Variants in MSI2 observed in about 807,000 individuals in gnomAD.
The protein encoded by MSI2 is RNA-binding protein Musashi homolog 2.
A neutral mutation model predicts 45.6 loss-of-function variants in MSI2; 17 were observed. That is an observed-to-expected ratio of 0.37 (90% CI 0.26 to 0.56). MSI2 has a LOEUF of 0.56. Ranked by LOEUF, MSI2 falls within the 20% of genes least tolerant of loss-of-function variation. MSI2 has a pLI of 0.77. For missense variants in MSI2, 293 were observed against 444.2 expected, an observed-to-expected ratio of 0.66 and a Z score of 3.06; for synonymous variants, 156 against 158.2, an observed-to-expected ratio of 0.99 and a Z score of 0.11.
chr17:57,450,089 G>A (rs74587739), intron 6 of MSI2: 13,873 of 151,920 alleles, frequency 0.091, 734 homozygotes, highest in East Asian at 0.22. Context: ...GTAAATTATA[G>A]GACATTATCA....
intron 6 of MSI2, among the ~76,000 whole-genome samples, chr17:57,515,407 G>T (rs2086450262): frequency 1.3e-5 from 2 of 152,180 alleles, no homozygotes; most frequent in Admixed American, 1.3e-4. Context: ...GTTTTGCCAT[G>T]TTGGCCAGGC....
chr17:57,653,988 C>A (rs1340068837), intron 11 of MSI2, among the ~76,000 whole-genome samples: 8 of 149,124 alleles, frequency 5.4e-5, no homozygotes. Flanking sequence ...CCATTTCCAT[C>A]AGGAGCAAAG....
At chr17:57,428,048 G>T (rs899715632) in intron 6 of MSI2, among the ~76,000 whole-genome samples, 6 of 152,204 alleles carry the variant, frequency 3.9e-5, no homozygotes, top group Non-Finnish European at 7.3e-5. Context: ...ATAGTGGGGA[G>T]AAAGTCAGCA....
At chr17:57,583,912 G>A (rs1217412412) in intron 7 of MSI2, among the ~76,000 whole-genome samples, 6 of 152,218 alleles carry the variant, frequency 3.9e-5, no homozygotes, top group Non-Finnish European at 7.3e-5. Flanking sequence ...TGGCTCTGAT[G>A]TAAGACTCAC....
downstream of MSI2, among the ~76,000 whole-genome samples, chr17:57,687,377 A>G (rs1432586700): frequency 6.6e-6 from 1 of 152,110 alleles, no homozygotes; most frequent in Non-Finnish European, 1.5e-5. Flanking sequence ...GTATTTTTAT[A>G]AACAGTAATA....
chr17:57,669,721 G>C (rs11079319), intron 11 of MSI2, among the ~76,000 whole-genome samples: 1 of 152,012 alleles, frequency 6.6e-6, no homozygotes, highest in African/African-American at 2.4e-5. Context: ...TCAGTCCTCC[G>C]TCCTTTCGGG....
chr17:57,536,625 C>G (rs1362918198), intron 7 of MSI2, among the ~76,000 whole-genome samples: 1 of 152,216 alleles, frequency 6.6e-6, no homozygotes, highest in Non-Finnish European at 1.5e-5. Flanking sequence ...TCTCCCAAGT[C>G]TGAGATGTGT....
At chr17:57,472,932 G>A (rs545643401) in intron 6 of MSI2, among the ~76,000 whole-genome samples, 12 of 149,688 alleles carry the variant, frequency 8.0e-5, no homozygotes, top group South Asian at 6.4e-4. Flanking sequence ...TGCTCTTGTC[G>A]CCCAGGCTGG....
intron 10 of MSI2, chr17:57,632,175 T>C: frequency 8.5e-7 from 1 of 1,173,778 alleles, no homozygotes; most frequent in Non-Finnish European, 1.1e-6. Context: ...CAAATGTTTT[T>C]AAGTCATGAC....
At chr17:57,598,664 ATT>A (rs397941341) in intron 8 of MSI2, among the ~76,000 whole-genome samples, 3 of 145,824 alleles carry the variant, frequency 2.1e-5, no homozygotes, top group Non-Finnish European at 3.0e-5. Context: ...ACTACTTGCT[ATT>A]TTTTTTTTTT....
intron 8 of MSI2, among the ~76,000 whole-genome samples, chr17:57,597,813 T>G (rs898932307): frequency 2.6e-5 from 4 of 152,196 alleles, no homozygotes; most frequent in Non-Finnish European, 5.9e-5. Context: ...AAACTATTTT[T>G]CTCTTTGGGT....
At chr17:57,403,765 A>C (rs1381722213) in intron 6 of MSI2, among the ~76,000 whole-genome samples, 1 of 152,156 alleles carries the variant, frequency 6.6e-6, no homozygotes, top group East Asian at 1.9e-4. Context: ...TTCTGGCATA[A>C]CTTATTTGAA....
chr17:57,303,753 A>G (rs1282548209), intron 5 of MSI2, among the ~76,000 whole-genome samples: 1 of 152,244 alleles, frequency 6.6e-6, no homozygotes, highest in Admixed American at 6.5e-5. Context: ...CCTGCCTCCA[A>G]GAAACTTACA....
At chr17:57,398,009 G>C (rs902833235) in intron 5 of MSI2, among the ~76,000 whole-genome samples, 2 of 152,154 alleles carry the variant, frequency 1.3e-5, no homozygotes, top group African/African-American at 4.8e-5. Context: ...TTAAAAAAAG[G>C]TGTTTTAAAG....
chr17:57,453,514 G>A (rs1349411770), intron 6 of MSI2, among the ~76,000 whole-genome samples: 6 of 152,112 alleles, frequency 3.9e-5, no homozygotes, highest in Non-Finnish European at 1.5e-5. Flanking sequence ...CGGAACACTT[G>A]GTTTTGTGTC....
chr17:57,651,240 C>T (rs1225482159), intron 10 of MSI2, among the ~76,000 whole-genome samples: 3 of 152,172 alleles, frequency 2.0e-5, no homozygotes, highest in Non-Finnish European at 4.4e-5. Context: ...GACATCCTTG[C>T]TGCCCGGTGC....
downstream of MSI2, among the ~76,000 whole-genome samples, chr17:57,689,168 G>A (rs927206905): frequency 3.4e-5 from 4 of 118,752 alleles, no homozygotes; most frequent in Admixed American, 3.6e-4. Flanking sequence ...GCAGTGATAT[G>A]TGGGTTTTCT....
intron 6 of MSI2, among the ~76,000 whole-genome samples, chr17:57,428,583 T>A (rs1018262781): frequency 4.6e-5 from 7 of 152,152 alleles, no homozygotes; most frequent in African/African-American, 1.4e-4. Context: ...CATCTTTTTT[T>A]AAAAGTCCTA....
chr17:57,445,749 GAGTA>G (rs2084887702), intron 6 of MSI2, among the ~76,000 whole-genome samples: 1 of 152,100 alleles, frequency 6.6e-6, no homozygotes, highest in South Asian at 2.1e-4. Flanking sequence ...AATTCATACC[GAGTA>G]CTTACCAGTG....
Sources: gnomAD v4.1 joint callset for allele counts (sites outside exome capture counted in the v4.1 genomes callset) on GRCh38, gnomAD v4.1.1 for gene constraint, MANE v1.5 for transcripts, NCBI Gene and HGNC (gene_info 2026-07-23, HGNC 2026-07-21) for gene names.